RASSF8: variants seen among roughly 807,000 people sequenced by gnomAD.
RASSF8 encodes the protein ras association domain-containing protein 8.
RASSF8 carries 22 observed loss-of-function variants against 48.5 expected under a neutral mutation model. The ratio of observed to expected loss-of-function variants is 0.45; its 90% CI spans 0.32 to 0.65. The LOEUF (loss-of-function observed/expected upper bound fraction) is 0.65, where lower values mean the gene tolerates loss of function less well. RASSF8 is among the 30% of genes least tolerant of loss of function. The pLI is 0.03. For missense variants in RASSF8, 418 were observed against 489.2 expected (o/e 0.85, Z 1.37); for synonymous variants, 127 against 171.5 (o/e 0.74, Z 2.03).
chr12:26,073,959 TAG>T (rs909294644), downstream of RASSF8, among the ~76,000 whole-genome samples: 13 of 148,126 alleles, frequency 8.8e-5, no homozygotes, highest in Admixed American at 2.7e-4. Flanking sequence ...TCTATATATA[TAG>T]AGAGAGAGAG....
At chr12:25,981,915 G>C (rs904984806) in intron 1 of RASSF8, among the ~76,000 whole-genome samples, 11 of 152,280 alleles carry the variant, frequency 7.2e-5, no homozygotes, top group African/African-American at 2.4e-4. Flanking sequence ...TGGTGTGTGA[G>C]GGAGGTATAG....
chr12:26,063,774 A>G (rs1943800557), intron 3 of RASSF8, among the ~76,000 whole-genome samples: 1 of 150,850 alleles, frequency 6.6e-6, no homozygotes, highest in African/African-American at 2.4e-5. Flanking sequence ...TGATACTATC[A>G]TATTACCAAA....
intron 1 of RASSF8, chr12:25,959,468 A>G (rs1464837536): frequency 1.3e-5 from 2 of 152,240 alleles, no homozygotes; most frequent in Non-Finnish European, 2.9e-5. Context: ...TGCAAAGGGA[A>G]TTTTATGTCT....
chr12:26,019,402 C>T (rs185933495), intron 2 of RASSF8, among the ~76,000 whole-genome samples: 14 of 152,168 alleles, frequency 9.2e-5, no homozygotes, highest in South Asian at 4.2e-4. Context: ...CCCATCTGCA[C>T]GCATGAAATT....
intron 2 of RASSF8, among the ~76,000 whole-genome samples, chr12:26,046,447 C>A (rs1943374233): frequency 1.3e-5 from 2 of 152,148 alleles, no homozygotes; most frequent in African/African-American, 4.8e-5. Context: ...TTTAATAATT[C>A]ATGTCACATA....
At chr12:26,003,817 T>A (rs1942319207) in intron 2 of RASSF8, among the ~76,000 whole-genome samples, 1 of 152,146 alleles carries the variant, frequency 6.6e-6, no homozygotes, top group African/African-American at 2.4e-5. Flanking sequence ...TGTCTATGAT[T>A]TCATTATATG....
intron 2 of RASSF8, among the ~76,000 whole-genome samples, chr12:26,032,878 C>T (rs749602227): frequency 6.6e-6 from 1 of 152,152 alleles, no homozygotes; most frequent in Non-Finnish European, 1.5e-5. Flanking sequence ...TAACATCAAT[C>T]CCCATGTGTC....
intron 1 of RASSF8, 76 bp downstream of exon 1, chr12:25,959,224 A>C (rs1941165219): frequency 1.3e-5 from 2 of 152,230 alleles, no homozygotes; most frequent in Admixed American, 1.3e-4. Flanking sequence ...GCAGCCTCGG[A>C]GCTGCCCTCC....
intron 1 of RASSF8, among the ~76,000 whole-genome samples, chr12:25,974,561 A>C (rs1941561464): frequency 6.6e-6 from 1 of 151,448 alleles, no homozygotes. Flanking sequence ...TCTAAGCCCA[A>C]GTTAGTTCTA....
At chr12:26,001,199 ATTT>A (rs34731435) in intron 2 of RASSF8, among the ~76,000 whole-genome samples, 4 of 136,962 alleles carry the variant, frequency 2.9e-5, no homozygotes, top group African/African-American at 5.4e-5. Flanking sequence ...CTAATTTTTA[ATTT>A]TTTTTTTTTT....
chr12:26,064,439 C>T, intron 3 of RASSF8, 59 bp from the exon 4 acceptor site: 1 of 1,421,516 alleles, frequency 7.0e-7, no homozygotes, highest in Non-Finnish European at 9.4e-7. Context: ...CATTCTTACT[C>T]CATTTTTTAA....
chr12:25,970,563 TC>T (rs556072749), intron 1 of RASSF8, among the ~76,000 whole-genome samples: 229 of 152,280 alleles, frequency 1.5e-3, no homozygotes, highest in Admixed American at 3.1e-3. Flanking sequence ...CTGAAACCCA[TC>T]CTCCATGTTG....
intron 2 of RASSF8, among the ~76,000 whole-genome samples, chr12:26,015,162 G>A (rs1168311677): frequency 2.0e-5 from 3 of 151,220 alleles, no homozygotes; most frequent in East Asian, 3.9e-4. Flanking sequence ...AGCTGAGATC[G>A]TGCCATCGTA....
At position 26,069,059 on chromosome 12, in the gene RASSF8, C is replaced by T. The variant is rs971544412; in HGVS notation, c.*241C>T. On this transcript the variant is annotated 3_prime_UTR_variant, in exon 6 of 6. Transcript: ENST00000689635. ...TCCAGCAGCTATAATGCAAAGCCTT[C>T]GTTTTTATTTGTAGCATTTTGAGAG... 5 of 1,159,474 alleles carry T rather than the reference C, an allele frequency of 4.3e-6. No homozygotes were observed. Among genetic ancestry groups the T allele is most frequent in the Non-Finnish European group, 5.3e-6 (5 of 938,132 alleles). The allele number at this position is 1,159,474 out of a possible 1,614,324, so 71.8% of individuals were successfully genotyped here. A position where few individuals can be genotyped will look rare whatever the true frequency, so the allele number is the denominator to read the frequency against.
intron 2 of RASSF8, among the ~76,000 whole-genome samples, chr12:26,013,737 G>T (rs1233521228): frequency 6.6e-6 from 1 of 151,828 alleles, no homozygotes; most frequent in Non-Finnish European, 1.5e-5. Flanking sequence ...AATTTTTAAA[G>T]ATGTTTTTCT....
rs149455962 is a variant in RASSF8 at position 26,040,904 on chromosome 12, T to C, written c.-108-14332T>C. On this transcript the variant is annotated intron_variant, in intron 2 of 5. Transcript: ENST00000689635. ...CAATTATACATAGTTTTTTTTTTTT[T>C]TGAGACAGAGTCTTGCTCTGTCTCC... Among the ~76,000 whole-genome samples the C allele has an allele frequency of 4.3e-3, 647 of 151,952 alleles. 20 individuals are homozygous for C. Among genetic ancestry groups the C allele is most frequent in the South Asian group, 0.017 (83 of 4,804 alleles).
chr12:26,079,063 G>C (rs943350653), exon 6 of RASSF8: 1 of 1,545,524 alleles, frequency 6.5e-7, no homozygotes, highest in African/African-American at 1.4e-5. Flanking sequence ...AAGCAGGAGT[G>C]TAAAGATTAG....
chr12:26,059,353 A>G (rs897882386), intron 3 of RASSF8, among the ~76,000 whole-genome samples: 1 of 152,256 alleles, frequency 6.6e-6, no homozygotes, highest in Non-Finnish European at 1.5e-5. Flanking sequence ...GTACTTTGTC[A>G]TATTTAACTC....
chr12:26,073,090 A>C (rs1944031092), downstream of RASSF8, among the ~76,000 whole-genome samples: 1 of 152,242 alleles, frequency 6.6e-6, no homozygotes, highest in Non-Finnish European at 1.5e-5. Flanking sequence ...AGAAGAAATG[A>C]TATCTTAATG....
Sources: gnomAD v4.1 joint callset for allele counts (sites outside exome capture counted in the v4.1 genomes callset) on GRCh38, gnomAD v4.1.1 for gene constraint, MANE v1.5 for transcripts, NCBI Gene and HGNC (gene_info 2026-07-23, HGNC 2026-07-21) for gene names.